The following WNT7B variants were observed in gnomAD, a reference collection of about 807,000 sequenced individuals.
The protein encoded by WNT7B is protein Wnt-7b.
WNT7B carries 19 observed loss-of-function variants against 38.2 expected under a neutral mutation model. The ratio of observed to expected loss-of-function variants is 0.50; its 90% CI spans 0.35 to 0.73. WNT7B has a LOEUF of 0.73. WNT7B is among the 30% of genes least tolerant of loss of function. WNT7B has a pLI of 0.01. For missense variants in WNT7B, 423 were observed against 507.9 expected, an observed-to-expected ratio of 0.83 and a Z score of 1.61; for synonymous variants, 243 against 209.3, an observed-to-expected ratio of 1.16 and a Z score of -1.39.
intron 1 of WNT7B, among the ~76,000 whole-genome samples, chr22:45,959,652 CA>C (rs1349191462): frequency 6.6e-6 from 1 of 152,090 alleles, no homozygotes; most frequent in Non-Finnish European, 1.5e-5. Flanking sequence ...AGTGGGGGTG[CA>C]AATGACCCCA....
At position 45,933,176 on chromosome 22, in the gene WNT7B, G is replaced by C. The variant is rs79497290; in HGVS notation, c.299-1807C>G. 6.3e-3 allele frequency among the ~76,000 whole-genome samples: 952 copies of C among 152,270 alleles called. 7 individuals carry two copies. The highest frequency in any genetic ancestry group is 0.022 in the African/African-American group (907 of 41,560). On this transcript the variant is annotated intron_variant, in intron 2 of 3. Transcript: ENST00000339464. ...GGTAGGCTGTCTGTCTGCCGTCATG[G>C]AGGGAGCCACAGCTTCCCGGGAACT...
intron 2 of WNT7B, among the ~76,000 whole-genome samples, chr22:45,935,333 A>AC (rs1330413046): frequency 6.6e-6 from 1 of 152,030 alleles, no homozygotes; most frequent in Non-Finnish European, 1.5e-5. Context: ...CAGAGGCCTG[A>AC]CCCCACCGCT....
In WNT7B at chr22:45,922,966, T is replaced by C; in HGVS notation, c.940A>G (p.Asn314Asp). Residue 314 changes from asparagine to aspartate, a missense_variant, in exon 4 of 4, where the codon AAC (asparagine) becomes GAC (aspartate). Physicochemically the swap from Asn to Asp is conservative, Grantham distance 23. This residue lies in a region of WNT7B where 158 missense variants were observed against 214.7 expected (regional missense o/e 0.74). Coordinates refer to ENST00000339464, the MANE Select transcript of WNT7B (RefSeq NM_058238.3). Reference protein sequence around the residue: ...CDTMCCGRGYNTHQYTKVWQC... With the variant: ...CDTMCCGRGYDTHQYTKVWQC... ...CACACCTTGGTGTACTGGTGGGTGTTGTAGCCTCGGCCGCAGCACATGGTG... is the reference window on the plus strand; with the variant it reads ...CACACCTTGGTGTACTGGTGGGTGTCGTAGCCTCGGCCGCAGCACATGGTG... 6.2e-7 allele frequency: 1 copy of C among 1,613,370 alleles called. No individual in the cohort carries two copies. Among genetic ancestry groups the C allele is most frequent in the Admixed American group, 1.7e-5 (1 of 60,022 alleles).
chr22:45,945,046 G>A (rs1172805733), intron 2 of WNT7B, among the ~76,000 whole-genome samples: 1 of 152,182 alleles, frequency 6.6e-6, no homozygotes. Context: ...AAATTTTCTA[G>A]TAGCCACATT....
chr22:45,949,859 G>T, intron 2 of WNT7B, 61 bp downstream of exon 2: 3 of 1,519,748 alleles, frequency 2.0e-6, no homozygotes, highest in Non-Finnish European at 2.7e-6. Flanking sequence ...TTCAGTGGGT[G>T]GCCTGGCCTA....
At chr22:45,941,284 C>G (rs1453581540) in intron 2 of WNT7B, among the ~76,000 whole-genome samples, 1 of 152,074 alleles carries the variant, frequency 6.6e-6, no homozygotes, top group Non-Finnish European at 1.5e-5. Flanking sequence ...CTAAGGCGGG[C>G]GGATCACCTG....
intron 1 of WNT7B, among the ~76,000 whole-genome samples, chr22:45,962,931 G>C (rs1322710017): frequency 6.6e-6 from 1 of 152,256 alleles, no homozygotes; most frequent in East Asian, 1.9e-4. Context: ...CAGAATGGGA[G>C]TATGGACACT....
At chr22:45,970,417 G>T (rs1254952953) in intron 1 of WNT7B, among the ~76,000 whole-genome samples, 2 of 141,972 alleles carry the variant, frequency 1.4e-5, no homozygotes, top group Non-Finnish European at 3.0e-5. Context: ...CCCGGGGTCT[G>T]CAGAGGTACA....
intron 1 of WNT7B, among the ~76,000 whole-genome samples, chr22:45,958,579 G>T (rs576841300): frequency 1.4e-4 from 22 of 152,332 alleles, no homozygotes; most frequent in Middle Eastern, 3.4e-3. Flanking sequence ...GGGGCCAAGG[G>T]CTAGAATGGT....
chr22:45,953,059 G>A (rs1234082574), intron 1 of WNT7B, among the ~76,000 whole-genome samples: 1 of 152,222 alleles, frequency 6.6e-6, no homozygotes, highest in Non-Finnish European at 1.5e-5. Context: ...CCCTGGCACT[G>A]AGGGGGAGCG....
At chr22:45,932,716 C>A (rs1384015383) in intron 2 of WNT7B, among the ~76,000 whole-genome samples, 1 of 152,206 alleles carries the variant, frequency 6.6e-6, no homozygotes, top group Non-Finnish European at 1.5e-5. Flanking sequence ...GCAGGCTCAA[C>A]CATGCCAGCT....
rs538717877 is a variant in WNT7B at position 45,975,281 on chromosome 22, C to A, written c.71+1403G>T. On this transcript the variant is annotated intron_variant, in intron 1 of 3. Transcript: ENST00000339464. This position sits in a 1 kb window ranked among gnomAD's most constrained non-coding sequence, Gnocchi z 6.6. ...ACTTTGAGGGGCCCAGCGGGAGTCA[C>A]TGCAGGACTGCTGAAGATGCAGGAA... Among the ~76,000 whole-genome samples, 4 of 152,308 alleles carry A rather than the reference C, an allele frequency of 2.6e-5. No individual in the cohort carries two copies. In the East Asian group the frequency reaches 7.7e-4, roughly 29 times the overall value.
chr22:45,970,977 C>T (rs1026196408), intron 1 of WNT7B, among the ~76,000 whole-genome samples: 1 of 152,268 alleles, frequency 6.6e-6, no homozygotes, highest in African/African-American at 2.4e-5. Flanking sequence ...CCCGGGAAAC[C>T]GCGGGCCTCG....
At chr22:45,926,837 A>T (rs1031390473) in intron 3 of WNT7B, 32 of 985,214 alleles carry the variant, frequency 3.2e-5, no homozygotes, top group Middle Eastern at 5.2e-4. Flanking sequence ...CGAGAAGGAG[A>T]GTGTGGAGGG....
At position 45,950,042 on chromosome 22, in the gene WNT7B, A is replaced by G. The variant is rs759936167; in HGVS notation, c.176T>C (p.Ile59Thr). The change falls in exon 2 of 4, where the codon ATC becomes ACC. Residue 59 changes from isoleucine to threonine, a missense_variant. By Grantham distance (89) the Ile-to-Thr change is moderately conservative (BLOSUM62 -1). Transcript: ENST00000339464. The part of the protein sequence containing the change: ...RAICQSRPDA[I>T]IVIGEGAQMG... Reference sequence around the variant, plus strand: ...CTGCGCCCCCTCCCCAATCACAATGATGGCATCGGGCCGACTCTGGCAGAT... The same window carrying G: ...CTGCGCCCCCTCCCCAATCACAATGGTGGCATCGGGCCGACTCTGGCAGAT... 3 of 1,614,016 alleles carry G rather than the reference A, an allele frequency of 1.9e-6. No homozygotes were observed. The highest frequency in any genetic ancestry group is 8.5e-7 in the Non-Finnish European group (1 of 1,180,032).
intron 3 of WNT7B, chr22:45,926,666 A>G: frequency 7.1e-6 from 7 of 984,964 alleles, no homozygotes; most frequent in Non-Finnish European, 8.4e-6. Context: ...ACCCTCTTCC[A>G]CAGCACCTCC....
intron 1 of WNT7B, among the ~76,000 whole-genome samples, chr22:45,952,783 C>T (rs1931964154): frequency 6.6e-6 from 1 of 152,256 alleles, no homozygotes; most frequent in Non-Finnish European, 1.5e-5. Flanking sequence ...AGCCAGCTGT[C>T]CACCACCGGC....
At chr22:45,953,614 C>A (rs1371226312) in intron 1 of WNT7B, among the ~76,000 whole-genome samples, 2 of 152,028 alleles carry the variant, frequency 1.3e-5, no homozygotes, top group Non-Finnish European at 2.9e-5. Context: ...AAGATATACG[C>A]ACCGCCAACA....
chr22:45,928,755 C>G (rs1931180739), intron 3 of WNT7B, among the ~76,000 whole-genome samples: 1 of 152,192 alleles, frequency 6.6e-6, no homozygotes, highest in Non-Finnish European at 1.5e-5. Context: ...ACCCTGGTCC[C>G]TGAGTTGGTC....
Sources: allele counts gnomAD v4.1 joint callset (sites outside exome capture counted in the v4.1 genomes callset), GRCh38; gene constraint gnomAD v4.1.1; regional missense constraint gnomAD v4.1.1; non-coding constraint Gnocchi (gnomAD v3.1); transcripts MANE v1.5; gene names NCBI Gene and HGNC (gene_info 2026-07-23, HGNC 2026-07-21).